USP40: variants seen among roughly 807,000 people sequenced by gnomAD.
The protein encoded by USP40 is ubiquitin specific peptidase 40.
In USP40, 143 loss-of-function variants were observed where a neutral mutation model predicts 166.2. The observed-to-expected ratio is 0.86, with a 90% CI of 0.75 to 0.99. USP40 has a LOEUF of 0.99. USP40 is among the 50% of genes least tolerant of loss of function. The pLI is 0.00. For missense variants in USP40, 1,444 were observed against 1,479.7 expected (o/e 0.98, Z 0.40); for synonymous variants, 498 against 524.0 (o/e 0.95, Z 0.68).
chr2:233,494,962 A>ATATATATATATATATATATATT (rs2065642542), intron 24 of USP40, among the ~76,000 whole-genome samples: 1 of 71,386 alleles, frequency 1.4e-5, no homozygotes, highest in Non-Finnish European at 2.7e-5. Flanking sequence ...ATATTTATAT[A>ATATATATATATATATATATATT]TATATATATA....
At chr2:233,516,407 G>GT (rs904816080) in intron 18 of USP40, among the ~76,000 whole-genome samples, 18 of 152,092 alleles carry the variant, frequency 1.2e-4, no homozygotes, top group Admixed American at 9.8e-4. Flanking sequence ...TAAGAATACT[G>GT]TATCATCTGG....
intron 1 of USP40, among the ~76,000 whole-genome samples, chr2:233,566,047 G>A (rs1162484735): frequency 6.6e-6 from 1 of 151,736 alleles, no homozygotes; most frequent in Non-Finnish European, 1.5e-5. Flanking sequence ...ACACCCTTCA[G>A]TACTATATAC....
chr2:233,494,596 T>G (rs1411064078), intron 24 of USP40, among the ~76,000 whole-genome samples: 1 of 151,990 alleles, frequency 6.6e-6, no homozygotes, highest in Admixed American at 6.6e-5. Context: ...CTGGGCTTGG[T>G]GGCTCACAGC....
intron 1 of USP40, 80 bp from the exon 2 acceptor site, chr2:233,565,653 G>A (rs1227959349): frequency 1.2e-5 from 14 of 1,214,326 alleles, no homozygotes; most frequent in African/African-American, 4.6e-5. Context: ...CTTGGGAGTC[G>A]ATTCTGTTGT....
At chr2:233,530,548 T>C (rs753562911) in intron 11 of USP40, among the ~76,000 whole-genome samples, 9 of 152,190 alleles carry the variant, frequency 5.9e-5, no homozygotes, top group Non-Finnish European at 1.3e-4. Context: ...GGCTTTTAAA[T>C]ACACATACTC....
chr2:233,558,790 T>C (rs867065374), intron 4 of USP40, among the ~76,000 whole-genome samples: 1 of 152,198 alleles, frequency 6.6e-6, no homozygotes, highest in South Asian at 2.1e-4. Context: ...ACAGTGTTTT[T>C]TTTGTTTGTT....
intron 21 of USP40, among the ~76,000 whole-genome samples, chr2:233,504,100 G>C (rs1488661480): frequency 6.6e-6 from 1 of 151,898 alleles, no homozygotes; most frequent in African/African-American, 2.4e-5. Flanking sequence ...TCTATTATAA[G>C]TACAAGACTC....
chr2:233,560,203 G>A, intron 3 of USP40, among the ~76,000 whole-genome samples: 1 of 152,160 alleles, frequency 6.6e-6, no homozygotes, highest in East Asian at 1.9e-4. Flanking sequence ...ACTGATTACA[G>A]ATTGACAGTA....
chr2:233,540,745 C>A lies in USP40; in HGVS notation c.1087G>T (p.Asp363Tyr). The A allele has an allele frequency of 1.2e-6, 2 of 1,613,312 alleles. No individual in the cohort carries two copies. Among genetic ancestry groups the A allele is most frequent in the Non-Finnish European group, 1.7e-6 (2 of 1,179,536 alleles). ...LEEENNLIPV[D>Y]QLGQKLLKKI... Reference sequence around the variant, plus strand: ...TTCAAAAGTTTCTGGCCCAGCTGATCAACAGGAATTAGATTATTCTCCTCC... The same window carrying A: ...TTCAAAAGTTTCTGGCCCAGCTGATAAACAGGAATTAGATTATTCTCCTCC... Residue 363 changes from aspartate (D) to tyrosine (Y), a missense_variant, in exon 10 of 32, where the codon GAT (aspartate) becomes TAT (tyrosine). Asp to Tyr is a radical substitution (Grantham distance 160). Transcript: ENST00000678225.
intron 31 of USP40, among the ~76,000 whole-genome samples, chr2:233,479,769 G>C (rs1359806936): frequency 6.6e-6 from 1 of 152,080 alleles, no homozygotes; most frequent in Non-Finnish European, 1.5e-5. Flanking sequence ...CTGCGAATGG[G>C]GGTGAGGCCA....
chr2:233,566,564 G>A, intron 1 of USP40, 120 bp downstream of exon 1: 1 of 512,244 alleles, frequency 2.0e-6, no homozygotes, highest in Non-Finnish European at 2.5e-6. Flanking sequence ...CCAGGAGAGC[G>A]CCGCGTCCTC....
intron 23 of USP40, among the ~76,000 whole-genome samples, 188 bp from the exon 24 acceptor site, chr2:233,497,020 A>G (rs2065786915): frequency 6.6e-6 from 1 of 152,254 alleles, no homozygotes; most frequent in African/African-American, 2.4e-5. Context: ...ATTGTGGGGC[A>G]TAAGCTGTAA....
intron 10 of USP40, among the ~76,000 whole-genome samples, 156 bp downstream of exon 10, chr2:233,540,506 C>T (rs1012864633): frequency 2.2e-4 from 33 of 152,120 alleles, no homozygotes; most frequent in Non-Finnish European, 4.1e-4. Context: ...GTAAGTAATA[C>T]TTAATAAGTA....
At chr2:233,540,084 C>T (rs1412304762) in intron 10 of USP40, among the ~76,000 whole-genome samples, 3 of 147,034 alleles carry the variant, frequency 2.0e-5, no homozygotes, top group Non-Finnish European at 4.5e-5. Flanking sequence ...GAGGTCGTGC[C>T]GCTGCACTCC....
chr2:233,494,962 A>ATATATATATATATATT (rs2065642352), intron 24 of USP40, among the ~76,000 whole-genome samples: 10 of 71,380 alleles, frequency 1.4e-4, no homozygotes, highest in South Asian at 4.3e-4. Context: ...ATATTTATAT[A>ATATATATATATATATT]TATATATATA....
At chr2:233,482,722 C>T (rs1434107343) in intron 30 of USP40, among the ~76,000 whole-genome samples, 1 of 152,040 alleles carries the variant, frequency 6.6e-6, no homozygotes, top group East Asian at 1.9e-4. Flanking sequence ...ACCCAAGAAG[C>T]TGGGTTTTGC....
Position 233,499,869 on chromosome 2 carries a change from A to C in USP40, c.2650+10T>G. On this transcript the variant is annotated intron_variant, in intron 22 of 31. Transcript: ENST00000678225. Reference sequence around the variant, plus strand: ...TTTTAAGTAATATGTCATCATGGTAAGTAACTTACCTTGTAGGCCAGATTT... The same window carrying C: ...TTTTAAGTAATATGTCATCATGGTACGTAACTTACCTTGTAGGCCAGATTT... 2 of 1,610,836 alleles carry C rather than the reference A, an allele frequency of 1.2e-6. No individual in the cohort carries two copies. The highest frequency in any genetic ancestry group is 1.7e-6 in the Non-Finnish European group (2 of 1,178,690).
At chr2:233,560,799 ATT>A in intron 3 of USP40, 4 of 458,442 alleles carry the variant, frequency 8.7e-6, no homozygotes, top group Non-Finnish European at 7.8e-6. Flanking sequence ...ACTAGCCTCT[ATT>A]TTTTTTTGTG....
intron 12 of USP40, among the ~76,000 whole-genome samples, chr2:233,529,095 G>GCTCT (rs1240234774): frequency 6.6e-6 from 1 of 152,160 alleles, no homozygotes; most frequent in Non-Finnish European, 1.5e-5. Context: ...TTCATGGCAG[G>GCTCT]CTCTCTTTGG....
Sources: gnomAD v4.1 joint callset for allele counts (sites outside exome capture counted in the v4.1 genomes callset) on GRCh38, gnomAD v4.1.1 for gene constraint, MANE v1.5 for transcripts, NCBI Gene and HGNC (gene_info 2026-07-23, HGNC 2026-07-21) for gene names.